Variants in NSMCE2 observed in about 807,000 individuals in gnomAD.
NSMCE2 encodes the protein NSE2 SUMO ligase component of SMC5/6 complex.
Under a neutral mutation model 23.8 loss-of-function variants are expected in NSMCE2, and 24 were observed. The observed-to-expected ratio is 1.01, with a 90% CI of 0.73 to 1.42. The LOEUF is 1.42. Among genes scored for constraint, NSMCE2 ranks in the 40% most tolerant of loss-of-function variants. The pLI is 0.00. For synonymous variants in NSMCE2, 92 were observed against 94.1 expected, an observed-to-expected ratio of 0.98 and a Z score of 0.13; for missense variants, 284 against 296.5, an observed-to-expected ratio of 0.96 and a Z score of 0.31.
intron 5 of NSMCE2, among the ~76,000 whole-genome samples, chr8:125,314,775 A>G (rs1208584901): frequency 2.0e-5 from 3 of 152,114 alleles, no homozygotes; most frequent in East Asian, 1.9e-4. Context: ...TCATTCATTC[A>G]TTGTGCACCA....
intron 4 of NSMCE2, among the ~76,000 whole-genome samples, chr8:125,166,922 A>G (rs749465374): frequency 6.6e-6 from 1 of 152,186 alleles, no homozygotes. Flanking sequence ...CTAGCTACTC[A>G]TGAGGCCAAG....
intron 7 of NSMCE2, among the ~76,000 whole-genome samples, chr8:125,362,121 G>A (rs1813584882): frequency 6.6e-6 from 1 of 152,198 alleles, no homozygotes; most frequent in African/African-American, 2.4e-5. Flanking sequence ...GGCCTGAAGG[G>A]CTGACTCCTG....
At chr8:125,336,153 C>A (rs1375513122) in intron 5 of NSMCE2, among the ~76,000 whole-genome samples, 1 of 151,964 alleles carries the variant, frequency 6.6e-6, no homozygotes. Context: ...AGCATTGAGG[C>A]AGAATGTAAA....
At chr8:125,166,327 C>T (rs560263330) in intron 4 of NSMCE2, among the ~76,000 whole-genome samples, 8 of 152,172 alleles carry the variant, frequency 5.3e-5, no homozygotes, top group Admixed American at 6.5e-5. Context: ...AGTGCAGTGG[C>T]GCGATCTCAG....
At chr8:125,302,045 G>T (rs1175896245) in intron 5 of NSMCE2, among the ~76,000 whole-genome samples, 2 of 151,500 alleles carry the variant, frequency 1.3e-5, no homozygotes, top group Non-Finnish European at 2.9e-5. Flanking sequence ...CTCAAATTCT[G>T]CCTCCCAGGA....
At chr8:125,165,033 A>G (rs1452050684) in intron 4 of NSMCE2, among the ~76,000 whole-genome samples, 3 of 152,244 alleles carry the variant, frequency 2.0e-5, no homozygotes, top group Non-Finnish European at 4.4e-5. Context: ...ACATGTAAAA[A>G]TGTTTCACTG....
intron 4 of NSMCE2, among the ~76,000 whole-genome samples, chr8:125,154,511 T>TA (rs56201104): frequency 0.19 from 23,407 of 123,984 alleles, 2,174 homozygotes; most frequent in South Asian, 0.36. Context: ...CTCTGAAAGT[T>TA]AAAAAAAAAA....
In NSMCE2 at chr8:125,213,531, TCTCCTCTCCC is replaced by T. The variant is rs1276283724; in HGVS notation, c.418+31280_418+31289del. ...TCTCCTCTCCTCTCCTCTCCTCTCC[TCTCCTCTCCC>T]CTCCACTCCCCTCCCCCTTTCCCCT... On this transcript the variant is annotated intron_variant, in intron 5 of 7. Coordinates refer to ENST00000287437, the MANE Select transcript of NSMCE2 (RefSeq NM_173685.4). Among the ~76,000 whole-genome samples, 118 of 40,306 alleles carry T rather than the reference TCTCCTCTCCC, an allele frequency of 2.9e-3. 1 individual carries two copies. The highest frequency in any genetic ancestry group is 6.5e-3 in the Admixed American group (24 of 3,684). The allele number at this position is 40,306 out of a possible 152,430, so 26.4% of individuals were successfully genotyped here.
At chr8:125,321,415 A>G (rs1194688149) in intron 5 of NSMCE2, among the ~76,000 whole-genome samples, 3 of 152,224 alleles carry the variant, frequency 2.0e-5, no homozygotes, top group African/African-American at 7.2e-5. Flanking sequence ...CTCTTACACT[A>G]TAGAGCCCAG....
At chr8:125,125,839 G>T (rs917556235) in intron 3 of NSMCE2, among the ~76,000 whole-genome samples, 1 of 152,152 alleles carries the variant, frequency 6.6e-6, no homozygotes, top group African/African-American at 2.4e-5. Context: ...AGTTCACCTT[G>T]TTGTCCCCTC....
At chr8:125,215,496 A>G (rs1824542428) in intron 5 of NSMCE2, among the ~76,000 whole-genome samples, 1 of 152,046 alleles carries the variant, frequency 6.6e-6, no homozygotes, top group African/African-American at 2.4e-5. Context: ...ATGCTGCAAT[A>G]AACATACGTG....
chr8:125,354,464 G>A (rs941008459), intron 5 of NSMCE2, among the ~76,000 whole-genome samples: 36 of 152,106 alleles, frequency 2.4e-4, no homozygotes, highest in African/African-American at 8.2e-4. Flanking sequence ...CATTTGCATA[G>A]ACCTTTAACA....
At chr8:125,320,629 A>G (rs1463435332) in intron 5 of NSMCE2, among the ~76,000 whole-genome samples, 1 of 152,168 alleles carries the variant, frequency 6.6e-6, no homozygotes, top group Non-Finnish European at 1.5e-5. Context: ...TCAGACTAGA[A>G]TTCCATACCC....
intron 4 of NSMCE2, among the ~76,000 whole-genome samples, chr8:125,173,913 A>G (rs939579088): frequency 2.0e-5 from 3 of 152,194 alleles, no homozygotes; most frequent in Non-Finnish European, 2.9e-5. Context: ...CCTATTCCTC[A>G]TATCTGTGAA....
At chr8:125,188,783 G>T (rs1478083192) in intron 5 of NSMCE2, among the ~76,000 whole-genome samples, 1 of 152,152 alleles carries the variant, frequency 6.6e-6, no homozygotes, top group Non-Finnish European at 1.5e-5. Flanking sequence ...CTTCATTTGG[G>T]AATGTGTATT....
intron 5 of NSMCE2, among the ~76,000 whole-genome samples, chr8:125,306,538 C>T (rs1451104552): frequency 6.6e-6 from 1 of 152,094 alleles, no homozygotes; most frequent in Non-Finnish European, 1.5e-5. Context: ...CAAATGTATA[C>T]ACTGAAATTT....
At chr8:125,210,683 C>T (rs1824292094) in intron 5 of NSMCE2, among the ~76,000 whole-genome samples, 2 of 151,880 alleles carry the variant, frequency 1.3e-5, no homozygotes, top group African/African-American at 4.8e-5. Flanking sequence ...CCAGTTTTAC[C>T]TAGCCATCTC....
intron 5 of NSMCE2, among the ~76,000 whole-genome samples, chr8:125,254,531 C>A (rs1826328340): frequency 6.6e-6 from 1 of 152,016 alleles, no homozygotes; most frequent in African/African-American, 2.4e-5. Flanking sequence ...TATAGCAAAT[C>A]CTGAATCACT....
At chr8:125,231,981 T>A (rs1825342312) in intron 5 of NSMCE2, among the ~76,000 whole-genome samples, 1 of 152,238 alleles carries the variant, frequency 6.6e-6, no homozygotes, top group Non-Finnish European at 1.5e-5. Context: ...CTGACTCCTC[T>A]GAACCTCGTG....
Sources: allele counts gnomAD v4.1 joint callset (sites outside exome capture counted in the v4.1 genomes callset), GRCh38; gene constraint gnomAD v4.1.1; transcripts MANE v1.5; gene names NCBI Gene and HGNC (gene_info 2026-07-23, HGNC 2026-07-21).